GSE1: variants seen among roughly 807,000 people sequenced by gnomAD.
GSE1 encodes genetic suppressor element 1.
A neutral mutation model predicts 112.6 loss-of-function variants in GSE1; 32 were observed. The ratio of observed to expected loss-of-function variants is 0.28; its 90% confidence interval spans 0.21 to 0.38. The LOEUF (loss-of-function observed/expected upper bound fraction) is 0.38, where lower values mean the gene tolerates loss of function less well. Among genes scored for constraint, GSE1 ranks in the 10% least tolerant of loss-of-function variants. GSE1 has a pLI of 1.00. For synonymous variants in GSE1, 1,115 were observed against 735.6 expected, an observed-to-expected ratio of 1.52 and a Z score of -8.35; for missense variants, 2,348 against 1,699.2, an observed-to-expected ratio of 1.38 and a Z score of -6.71.
At chr16:85,256,688 C>T (rs188682895) in intron 1 of GSE1, among the ~76,000 whole-genome samples, 112 of 152,390 alleles carry the variant, frequency 7.3e-4, no homozygotes, top group Non-Finnish European at 1.3e-3. Flanking sequence ...TGTCTGTCCC[C>T]GTCACGGGGT....
At chr16:85,396,867 G>A (rs2047978082) in intron 2 of GSE1, among the ~76,000 whole-genome samples, 1 of 152,152 alleles carries the variant, frequency 6.6e-6, no homozygotes, top group Non-Finnish European at 1.5e-5. Context: ...TCTCCAGGGA[G>A]CCCGTGAAGG....
chr16:85,271,471 G>A (rs545361251), intron 1 of GSE1, among the ~76,000 whole-genome samples: 18 of 152,236 alleles, frequency 1.2e-4, no homozygotes, highest in Non-Finnish European at 2.4e-4. Flanking sequence ...TATGAATGTG[G>A]TTCTTGGAGT....
chr16:85,632,106 T>C (rs530369371), intron 1 of GSE1, among the ~76,000 whole-genome samples: 2 of 152,240 alleles, frequency 1.3e-5, no homozygotes, highest in Admixed American at 1.3e-4. Flanking sequence ...CTGTGCCGGG[T>C]TGAAGCGGCC....
At chr16:85,628,101 A>G (rs2049232996) in intron 1 of GSE1, among the ~76,000 whole-genome samples, 1 of 152,178 alleles carries the variant, frequency 6.6e-6, no homozygotes, top group Non-Finnish European at 1.5e-5. Context: ...CCCTCCAAGG[A>G]TCTCGGGGTT....
At chr16:85,610,764 G>C (rs1194873488), upstream of GSE1, among the ~76,000 whole-genome samples, 1 of 152,230 alleles carries the variant, frequency 6.6e-6, no homozygotes, top group Non-Finnish European at 1.5e-5. Flanking sequence ...TTCCAGGTGT[G>C]AGCAGTTTGG....
chr16:85,305,141 C>A (rs528095855), intron 1 of GSE1, among the ~76,000 whole-genome samples: 2 of 152,348 alleles, frequency 1.3e-5, no homozygotes, highest in Non-Finnish European at 2.9e-5. Context: ...CCTGGGCCAT[C>A]TCCAGATTCC....
At chr16:85,542,700 T>C (rs1310788639) in intron 2 of GSE1, among the ~76,000 whole-genome samples, 1 of 152,238 alleles carries the variant, frequency 6.6e-6, no homozygotes, top group Non-Finnish European at 1.5e-5. Context: ...ATGAGACTGA[T>C]GGTCGTGAAG....
At chr16:85,348,246 C>G (rs1249525918) in intron 1 of GSE1, among the ~76,000 whole-genome samples, 1 of 152,220 alleles carries the variant, frequency 6.6e-6, no homozygotes, top group African/African-American at 2.4e-5. Context: ...CATCATCCAT[C>G]CATCCATCAT....
chr16:85,431,657 C>A (rs2151761389), intron 2 of GSE1, among the ~76,000 whole-genome samples: 1 of 152,252 alleles, frequency 6.6e-6, no homozygotes, highest in Middle Eastern at 3.4e-3. Flanking sequence ...CCGCCATTGG[C>A]CTTCCGTCCT....
chr16:85,187,170 G>A (rs1043595870), intron 1 of GSE1, among the ~76,000 whole-genome samples: 6 of 152,234 alleles, frequency 3.9e-5, no homozygotes, highest in African/African-American at 1.2e-4. Context: ...GCTCTGTGGT[G>A]TCCAGGTGCC....
At chr16:85,317,987 T>C (rs2046021434) in intron 1 of GSE1, among the ~76,000 whole-genome samples, 1 of 152,108 alleles carries the variant, frequency 6.6e-6, no homozygotes, top group Non-Finnish European at 1.5e-5. Context: ...AAGAGAGGAA[T>C]TGGCAAGCCA....
chr16:85,505,485 C>G (rs996900255), intron 2 of GSE1, among the ~76,000 whole-genome samples: 4 of 152,114 alleles, frequency 2.6e-5, no homozygotes, highest in Admixed American at 2.0e-4. Flanking sequence ...AAAATAGAGC[C>G]CAGGCCCTGA....
At chr16:85,264,225 G>T (rs1908002124) in intron 1 of GSE1, among the ~76,000 whole-genome samples, 2 of 152,096 alleles carry the variant, frequency 1.3e-5, no homozygotes, top group African/African-American at 4.8e-5. Flanking sequence ...GGGGTAGAGG[G>T]GCCCTTGACC....
intron 1 of GSE1, among the ~76,000 whole-genome samples, chr16:85,184,311 T>A (rs1004960536): frequency 1.3e-5 from 2 of 152,260 alleles, no homozygotes; most frequent in Admixed American, 6.5e-5. Flanking sequence ...CATCTTCTGA[T>A]GTCTCTACTC....
At position 85,563,912 on chromosome 16, in the gene GSE1, G is replaced by T. The variant is rs150027704; in HGVS notation, c.37+7549G>T. Among the ~76,000 whole-genome samples, 456 of 152,302 alleles carry T rather than the reference G, an allele frequency of 3.0e-3. 3 individuals carry two copies. The highest frequency in any genetic ancestry group is 6.5e-3 in the Admixed American group (100 of 15,304). ...GCGAGCTAGGATGTTGTTGCTTTTC[G>T]CACAGAACACGTGCCTGTGACCTAG... On this transcript the variant is annotated intron_variant, in intron 1 of 2. Coordinates refer to the GSE1 transcript ENST00000635906.
intron 2 of GSE1, among the ~76,000 whole-genome samples, chr16:85,644,491 G>A (rs971867531): frequency 1.3e-5 from 2 of 152,222 alleles, no homozygotes; most frequent in South Asian, 4.1e-4. Flanking sequence ...GCCGCGGGAA[G>A]GAGAGATTCT....
intron 1 of GSE1, chr16:85,278,679 G>C (rs1390650806): frequency 1.3e-5 from 2 of 152,218 alleles, no homozygotes; most frequent in African/African-American, 2.4e-5. Flanking sequence ...AGACCTTCCT[G>C]TCCAAAGTAT....
At position 85,656,386 on chromosome 16, in the gene GSE1, CGCGAGCGCGAGCGTGAGCGTGAGG is replaced by C; in HGVS notation, c.1034_1057del (p.Arg345_Ala353delinsPro). 6.4e-7 allele frequency: 1 copy of C among 1,562,870 alleles called. No individual in the cohort carries two copies. Among genetic ancestry groups the C allele is most frequent in the Non-Finnish European group, 8.7e-7 (1 of 1,149,478 alleles). ...GCTAAGGCGGGAGAGGGAGCGCGAGCGCGAGCGCGAGCGTGAGCGTGAGGCTGACCGCGAGCGGGAGAAGGAACG... is the reference window on the plus strand; with the variant it reads ...GCTAAGGCGGGAGAGGGAGCGCGAGCCTGACCGCGAGCGGGAGAAGGAACG... On this transcript the variant is annotated inframe_deletion, in exon 7 of 16. Transcript: ENST00000253458.
intron 9 of GSE1, 76 bp downstream of exon 9, chr16:85,661,841 C>G (rs544101273): frequency 2.2e-6 from 3 of 1,357,426 alleles, no homozygotes; most frequent in Non-Finnish European, 2.0e-6. Flanking sequence ...TGCCAGCCAC[C>G]TGCCCCTCTC....
Sources: gnomAD v4.1 joint callset for allele counts (sites outside exome capture counted in the v4.1 genomes callset) on GRCh38, gnomAD v4.1.1 for gene constraint, MANE v1.5 for transcripts, NCBI Gene and HGNC (gene_info 2026-07-23, HGNC 2026-07-21) for gene names.